Variants in JOSD1 observed in about 807,000 individuals in gnomAD.
The protein encoded by JOSD1 is Josephin domain containing 1, also known as josephin-1.
In JOSD1, 11 loss-of-function variants were observed where a neutral mutation model predicts 24.3. That is an observed-to-expected ratio of 0.45 (90% CI 0.29 to 0.75). The LOEUF (loss-of-function observed/expected upper bound fraction) is 0.75. JOSD1 is among the 30% of genes least tolerant of loss of function. The pLI is 0.11. For synonymous variants in JOSD1, 106 were observed against 93.8 expected (o/e 1.13, Z -0.75); for missense variants, 184 against 253.5 (o/e 0.73, Z 1.86).
At position 38,689,386 on chromosome 22, in the gene JOSD1, CTCT is replaced by C. The variant is rs757763871; in HGVS notation, c.221_223del (p.Lys74del). 3.7e-6 allele frequency: 6 copies of C among 1,614,094 alleles called. No individual in the cohort carries two copies. The highest frequency in any genetic ancestry group is 5.1e-6 in the Non-Finnish European group (6 of 1,180,040). ...ATCGTAGTTGCCATTTCCCAGCATG[CTCT>C]TCTTGTGAGGTGTCACCATGGTGTT... On this transcript the variant is annotated inframe_deletion, in exon 3 of 5. Coordinates refer to ENST00000683374, the MANE Select transcript of JOSD1 (RefSeq NM_001360236.2).
At position 38,699,846 on chromosome 22, in the gene JOSD1, T is replaced by A. The variant is rs756505617; in HGVS notation, c.142A>T (p.Ser48Cys). ...AGCGTATCCCGGGTGAAGGCATTGC[T>A]GTCCTGGAAGACGTTATTGAGGGCG... is the stretch of plus-strand genomic sequence containing the variant. ...LHALNNVFQD[S>C]NAFTRDTLQE... Residue 48 changes from serine to cysteine, a missense_variant, in exon 2 of 5, where the codon AGC (serine) becomes TGC (cysteine). Coordinates refer to ENST00000683374, the MANE Select transcript of JOSD1 (RefSeq NM_001360236.2). The A allele has an allele frequency of 2.5e-6, 4 of 1,614,106 alleles. No homozygotes were observed. In the Admixed American group the frequency reaches 5.0e-5, roughly 20 times the overall value.
chr22:38,692,823 C>T (rs896541646), intron 2 of JOSD1, among the ~76,000 whole-genome samples: 2 of 138,144 alleles, frequency 1.4e-5, no homozygotes, highest in Non-Finnish European at 3.2e-5. Flanking sequence ...AAAAAGAGAA[C>T]AGAACACATA....
upstream of JOSD1, chr22:38,701,057 T>G (rs950149762): frequency 3.4e-6 from 3 of 886,928 alleles, no homozygotes; most frequent in African/African-American, 5.4e-5. Context: ...GCGTCACGCC[T>G]GACGTAAGTC....
At chr22:38,691,307 G>C (rs1261212834) in intron 2 of JOSD1, among the ~76,000 whole-genome samples, 1 of 150,182 alleles carries the variant, frequency 6.7e-6, no homozygotes, top group African/African-American at 2.5e-5. Context: ...CAAGGCTGTG[G>C]TGAGCCATGA....
rs1306773727 is a variant in JOSD1 at position 38,687,658 on chromosome 22, A to G, written c.*244T>C. On this transcript the variant is annotated 3_prime_UTR_variant, in exon 5 of 5. Transcript: ENST00000683374. ...CTCCACTTTCTCCTCTGTCTCTTAAATAAAACAAGGGTTTGTGACCACTGG... is the reference window on the plus strand; with the variant it reads ...CTCCACTTTCTCCTCTGTCTCTTAAGTAAAACAAGGGTTTGTGACCACTGG... 2.2e-6 allele frequency: 1 copy of G among 461,752 alleles called. No homozygotes were observed. The highest frequency in any genetic ancestry group is 3.9e-5 in the Admixed American group (1 of 25,712). The allele number at this position is 461,752 out of a possible 1,614,324, so 28.6% of individuals were successfully genotyped here. A position where few individuals can be genotyped will look rare whatever the true frequency, so the allele number is the denominator to read the frequency against.
intron 2 of JOSD1, among the ~76,000 whole-genome samples, chr22:38,691,817 TTTTGA>T (rs760030696): frequency 3.1e-4 from 47 of 152,274 alleles, no homozygotes; most frequent in Admixed American, 1.2e-3. Context: ...CACATCAACC[TTTTGA>T]TTTAATTACA....
At chr22:38,689,912 C>CTCTG (rs3219524) in intron 2 of JOSD1, among the ~76,000 whole-genome samples, 10 of 144,636 alleles carry the variant, frequency 6.9e-5, no homozygotes, top group Non-Finnish European at 1.4e-4. Context: ...TAAAGGCATT[C>CTCTG]TGTGTGTGTG....
chr22:38,694,722 C>T (rs1241493478), intron 2 of JOSD1, among the ~76,000 whole-genome samples: 5 of 151,866 alleles, frequency 3.3e-5, no homozygotes, highest in Admixed American at 6.6e-5. Context: ...AGTAGCCGGG[C>T]GTGGTGGTGG....
intron 2 of JOSD1, among the ~76,000 whole-genome samples, chr22:38,694,863 C>CAAAAA (rs55844316): frequency 3.7e-5 from 3 of 80,778 alleles, no homozygotes; most frequent in Non-Finnish European, 5.1e-5. Flanking sequence ...GACTCAGTCT[C>CAAAAA]AAAAAAAAAA....
chr22:38,700,289 TCCCTCCC>T lies in JOSD1; in HGVS notation c.-309_-303del. The T allele has an allele frequency of 1.1e-6, 1 of 894,458 alleles. No homozygotes were observed. Among genetic ancestry groups the T allele is most frequent in the Non-Finnish European group, 1.4e-6 (1 of 733,828 alleles). 55.4% of individuals were successfully genotyped at this position (894,458 alleles called of 1,614,324 possible). A position where few individuals can be genotyped will look rare whatever the true frequency, so the allele number is the denominator to read the frequency against. On this transcript the variant is annotated 5_prime_UTR_variant, in exon 2 of 5. Transcript: ENST00000683374. ...GACCTTGTTTCCGTTTCCCCACCCTTCCCTCCCACCCCCCTCCAAAATCCCCACGATT... is the reference window on the plus strand; with the variant it reads ...GACCTTGTTTCCGTTTCCCCACCCTTACCCCCCTCCAAAATCCCCACGATT...
upstream of JOSD1, chr22:38,701,104 C>T (rs1039057979): frequency 2.0e-6 from 1 of 512,576 alleles, no homozygotes; most frequent in Non-Finnish European, 2.5e-6. Flanking sequence ...CCGCAGACGC[C>T]GGGCGTGTAG....
intron 2 of JOSD1, among the ~76,000 whole-genome samples, chr22:38,698,698 A>C (rs1283316639): frequency 6.6e-6 from 1 of 152,232 alleles, no homozygotes; most frequent in Non-Finnish European, 1.5e-5. Context: ...AAGACACCAC[A>C]GAACTGACTC....
intron 2 of JOSD1, among the ~76,000 whole-genome samples, chr22:38,696,603 A>ACT (rs904888230): frequency 7.2e-5 from 11 of 152,210 alleles, no homozygotes; most frequent in Non-Finnish European, 1.3e-4. Flanking sequence ...CACTGATGAC[A>ACT]CTTGCCCAGT....
chr22:38,688,298 T>C (rs189360334), intron 4 of JOSD1, among the ~76,000 whole-genome samples: 3 of 152,330 alleles, frequency 2.0e-5, no homozygotes, highest in Non-Finnish European at 4.4e-5. Flanking sequence ...GTTTCGCTCT[T>C]GTCGCCTGGG....
intron 2 of JOSD1, among the ~76,000 whole-genome samples, chr22:38,696,103 G>T (rs577541473): frequency 6.6e-6 from 1 of 152,164 alleles, no homozygotes; most frequent in Non-Finnish European, 1.5e-5. Context: ...AGAACTAGAT[G>T]TAAGAATCTG....
In JOSD1 at chr22:38,700,424, C is replaced by T; in HGVS notation, c.-437G>A. 2.0e-6 allele frequency: 2 copies of T among 987,946 alleles called. No individual in the cohort carries two copies. Among genetic ancestry groups the T allele is most frequent in the Non-Finnish European group, 2.4e-6 (2 of 831,466 alleles). The allele number at this position is 987,946 out of a possible 1,614,324, so 61.2% of individuals were successfully genotyped here. A position where few individuals can be genotyped will look rare whatever the true frequency, so the allele number is the denominator to read the frequency against. ...TTCCATTTCTTTTGAACCACGACGC[C>T]AATGACTCGGGAGACAAGGCCTGGG... On this transcript the variant is annotated 5_prime_UTR_variant, in exon 2 of 5. Transcript: ENST00000683374.
intron 2 of JOSD1, among the ~76,000 whole-genome samples, chr22:38,697,517 T>C (rs1451621396): frequency 6.6e-6 from 1 of 152,250 alleles, no homozygotes; most frequent in Admixed American, 6.5e-5. Flanking sequence ...GAAACTCTTG[T>C]TATCATCCAC....
chr22:38,687,748 A>G lies in JOSD1; in HGVS notation c.*154T>C, dbSNP rs144650296. 9.9e-4 allele frequency: 611 copies of G among 616,486 alleles called. 7 individuals are homozygous for G. Among genetic ancestry groups the G allele is most frequent in the Middle Eastern group, 6.5e-3 (15 of 2,312 alleles). The allele number at this position is 616,486 out of a possible 1,614,324, so 38.2% of individuals were successfully genotyped here. ...CAAAACACTGAGTAGTTCTTATAACAGTCCACACGTCTGTCCTATTGCACT... is the reference window on the plus strand; with the variant it reads ...CAAAACACTGAGTAGTTCTTATAACGGTCCACACGTCTGTCCTATTGCACT... On this transcript the variant is annotated 3_prime_UTR_variant, in exon 5 of 5. Transcript: ENST00000683374.
rs2145801742 is a variant in JOSD1 at position 38,687,690 on chromosome 22, G to A, written c.*212C>T. On this transcript the variant is annotated 3_prime_UTR_variant, in exon 5 of 5. Transcript: ENST00000683374. ...AAGGGTTTGTGACCACTGGCCTTAA[G>A]TGCACAGAACTCCTACCTTCCTTGC... 1.9e-6 allele frequency: 1 copy of A among 532,962 alleles called. No individual in the cohort carries two copies. Among genetic ancestry groups the A allele is most frequent in the East Asian group, 3.1e-5 (1 of 32,642 alleles). 33.0% of individuals were successfully genotyped at this position (532,962 alleles called of 1,614,324 possible). A position where few individuals can be genotyped will look rare whatever the true frequency, so the allele number is the denominator to read the frequency against.
Sources: allele counts gnomAD v4.1 joint callset (sites outside exome capture counted in the v4.1 genomes callset), GRCh38; gene constraint gnomAD v4.1.1; transcripts MANE v1.5; gene names NCBI Gene and HGNC (gene_info 2026-07-23, HGNC 2026-07-21).